The following QKI variants were observed in gnomAD, a reference collection of about 807,000 sequenced individuals.
The protein encoded by QKI is QKI, KH domain containing RNA binding.
In QKI, 10 loss-of-function variants were observed where a neutral mutation model predicts 39.0. The ratio of observed to expected loss-of-function variants is 0.26; its 90% CI spans 0.16 to 0.43. QKI has a LOEUF of 0.43. Ranked by LOEUF, QKI falls within the 20% of genes least tolerant of loss-of-function variation. The pLI, the probability that QKI is intolerant of heterozygous loss-of-function variation, is 1.00. For missense variants in QKI, 218 were observed against 428.0 expected, an observed-to-expected ratio of 0.51 and a Z score of 4.33; for synonymous variants, 204 against 155.4, an observed-to-expected ratio of 1.31 and a Z score of -2.33.
rs192793908 is a variant in QKI, at chr6:163,510,732, A to T, written c.403-24250A>T. On this transcript the variant is annotated intron_variant, in intron 3 of 7. Transcript: ENST00000361752. Reference sequence around the variant, plus strand: ...GTATCAGGTAATGTGGATTCTTCATAGTAACAAAAGTTCATCAGGAGGACA... The same window carrying T: ...GTATCAGGTAATGTGGATTCTTCATTGTAACAAAAGTTCATCAGGAGGACA... Among the ~76,000 whole-genome samples the T allele has an allele frequency of 6.4e-4, 97 of 152,346 alleles. 3 individuals carry two copies. In the East Asian group the frequency reaches 0.014, roughly 22 times the overall value.
Position 163,577,415 on chromosome 6 carries a change from A to G in QKI, c.*6705A>G, listed in dbSNP as rs1777640682. ...CTAGACTTAAAAAAAAAAAAGTCTG[A>G]TTGCCCATATTAGATTTTTTTTTTA... On this transcript the variant is annotated 3_prime_UTR_variant, in exon 8 of 8. Coordinates refer to ENST00000361752, the MANE Select transcript of QKI (RefSeq NM_006775.3). 1 of 151,902 alleles carries G rather than the reference A, an allele frequency of 6.6e-6. No individual in the cohort carries two copies. The highest frequency in any genetic ancestry group is 1.5e-5 in the Non-Finnish European group (1 of 67,960). The allele number at this position is 151,902 out of a possible 1,614,324, so 9.4% of individuals were successfully genotyped here.
chr6:163,544,706 A>C (rs1211991780), intron 4 of QKI, among the ~76,000 whole-genome samples: 1 of 152,094 alleles, frequency 6.6e-6, no homozygotes, highest in Non-Finnish European at 1.5e-5. Context: ...AACATTGTCA[A>C]GCCATTAGGG....
At chr6:163,431,147 G>A (rs982699453) in intron 1 of QKI, among the ~76,000 whole-genome samples, 9 of 151,956 alleles carry the variant, frequency 5.9e-5, no homozygotes, top group Non-Finnish European at 1.0e-4. Context: ...TTTTGAATGA[G>A]AGTGCTGGCT....
chr6:163,497,624 G>A (rs377760520), intron 3 of QKI, among the ~76,000 whole-genome samples: 28 of 136,202 alleles, frequency 2.1e-4, no homozygotes, highest in Middle Eastern at 4.1e-3. Context: ...AAAAATAAGA[G>A]TAGATATTGT....
At chr6:163,564,832 A>G in intron 6 of QKI, 1 of 1,567,426 alleles carries the variant, frequency 6.4e-7, no homozygotes, top group Admixed American at 1.8e-5. Flanking sequence ...TTTTTCCTGA[A>G]TTGTATATGA....
chr6:163,533,514 A>T (rs1200342598), intron 3 of QKI, among the ~76,000 whole-genome samples: 1 of 152,258 alleles, frequency 6.6e-6, no homozygotes, highest in East Asian at 1.9e-4. Flanking sequence ...CTTTGGAATC[A>T]GATTTTTGTA....
At chr6:163,519,159 A>G (rs377191639) in intron 3 of QKI, among the ~76,000 whole-genome samples, 6 of 152,140 alleles carry the variant, frequency 3.9e-5, no homozygotes, top group African/African-American at 1.2e-4. Context: ...CCTTTCCCCA[A>G]TCAGATTCAT....
chr6:163,565,202 C>A, intron 6 of QKI: 6 of 989,918 alleles, frequency 6.1e-6, no homozygotes, highest in Non-Finnish European at 7.2e-6. Context: ...TAACATGTAA[C>A]CTGTAACCTT....
intron 1 of QKI, among the ~76,000 whole-genome samples, chr6:163,440,441 C>T (rs1476897863): frequency 6.6e-6 from 1 of 152,182 alleles, no homozygotes; most frequent in Non-Finnish European, 1.5e-5. Context: ...ATGCTGACTT[C>T]CACCACAGAG....
chr6:163,444,921 T>C (rs1333490403), intron 1 of QKI, among the ~76,000 whole-genome samples: 1 of 152,030 alleles, frequency 6.6e-6, no homozygotes, highest in Admixed American at 6.6e-5. Context: ...ATTATTATTA[T>C]TATTTTTGAG....
chr6:163,467,809 A>ACTGACTCCCT, intron 2 of QKI, among the ~76,000 whole-genome samples: 1 of 152,136 alleles, frequency 6.6e-6, no homozygotes, highest in Admixed American at 6.6e-5. Context: ...CTGACTTAGG[A>ACTGACTCCCT]TTGTTTACAA....
intron 3 of QKI, among the ~76,000 whole-genome samples, chr6:163,517,058 A>ACT (rs376115203): frequency 2.3e-4 from 32 of 142,178 alleles, no homozygotes; most frequent in South Asian, 4.3e-4. Flanking sequence ...ACACACACTC[A>ACT]CTCTCTCTCT....
intron 3 of QKI, among the ~76,000 whole-genome samples, chr6:163,506,012 A>C (rs1779071534): frequency 6.6e-6 from 1 of 152,040 alleles, no homozygotes; most frequent in Non-Finnish European, 1.5e-5. Context: ...ATAGTGAGTG[A>C]GTTCTCATGA....
At chr6:163,482,923 G>C (rs1793190117) in intron 3 of QKI, among the ~76,000 whole-genome samples, 1 of 152,176 alleles carries the variant, frequency 6.6e-6, no homozygotes, top group African/African-American at 2.4e-5. Context: ...GAGGCTGAAA[G>C]TCTCAGCCCT....
intron 4 of QKI, among the ~76,000 whole-genome samples, chr6:163,554,662 C>T (rs765249145): frequency 6.6e-6 from 1 of 152,200 alleles, no homozygotes; most frequent in African/African-American, 2.4e-5. Flanking sequence ...TTACATGGAG[C>T]CACCGTCTAC....
intron 3 of QKI, among the ~76,000 whole-genome samples, chr6:163,523,251 A>G (rs1780270431): frequency 6.6e-6 from 1 of 152,226 alleles, no homozygotes; most frequent in Non-Finnish European, 1.5e-5. Context: ...AGTTTTTAAA[A>G]TAAATCTTGA....
chr6:163,558,283 T>G (rs1346950723), intron 4 of QKI, among the ~76,000 whole-genome samples: 1 of 152,200 alleles, frequency 6.6e-6, no homozygotes, highest in Non-Finnish European at 1.5e-5. Context: ...CAACAGTGTT[T>G]AGGCAGGTAC....
intron 7 of QKI, chr6:163,569,865 G>A: frequency 1.0e-6 from 1 of 988,044 alleles, no homozygotes; most frequent in Non-Finnish European, 1.2e-6. Context: ...TCTATTTTTT[G>A]ATGTACTTAG....
chr6:163,450,723 A>G (rs1331938234), intron 1 of QKI, among the ~76,000 whole-genome samples: 1 of 152,164 alleles, frequency 6.6e-6, no homozygotes, highest in East Asian at 1.9e-4. Flanking sequence ...AATAGTTTTC[A>G]GCGTAGTGAA....
Sources: allele counts gnomAD v4.1 joint callset (sites outside exome capture counted in the v4.1 genomes callset), GRCh38; gene constraint gnomAD v4.1.1; transcripts MANE v1.5; gene names NCBI Gene and HGNC (gene_info 2026-07-23, HGNC 2026-07-21).